FHIT: variants seen among roughly 807,000 people sequenced by gnomAD.
FHIT encodes fragile histidine triad diadenosine triphosphatase.
FHIT carries 19 observed loss-of-function variants against 17.9 expected under a neutral mutation model. The ratio of observed to expected loss-of-function variants is 1.06; its 90% CI spans 0.74 to 1.56. The LOEUF is 1.56. FHIT is among the 40% of genes most tolerant of loss of function. The probability of loss-of-function intolerance (pLI) is 0.00; values close to 1 mark genes in which losing one functional copy is unlikely to be tolerated. For synonymous variants in FHIT, 81 were observed against 69.7 expected (o/e 1.16, Z -0.81); for missense variants, 248 against 189.2 (o/e 1.31, Z -1.82).
chr3:60,716,879 G>A (rs782776460), intron 4 of FHIT, among the ~76,000 whole-genome samples: 9 of 152,036 alleles, frequency 5.9e-5, no homozygotes, highest in Non-Finnish European at 1.0e-4. Flanking sequence ...AATCTTAAGG[G>A]ACCACCCTCA....
chr3:60,381,630 T>A (rs919574503), intron 5 of FHIT, among the ~76,000 whole-genome samples: 2 of 152,214 alleles, frequency 1.3e-5, no homozygotes, highest in African/African-American at 4.8e-5. Context: ...TGACTGCCAA[T>A]CTCTCTTTCG....
At chr3:60,143,935 G>A (rs1442612002) in intron 5 of FHIT, among the ~76,000 whole-genome samples, 1 of 152,148 alleles carries the variant, frequency 6.6e-6, no homozygotes, top group Non-Finnish European at 1.5e-5. Context: ...GGGGTAGGGA[G>A]GCAAGCAGTA....
intron 4 of FHIT, among the ~76,000 whole-genome samples, chr3:60,606,672 G>A (rs9879049): frequency 0.018 from 2,667 of 152,206 alleles, 91 homozygotes; most frequent in African/African-American, 0.062. Flanking sequence ...ATTTTCTGCT[G>A]TAATGGAAAA....
chr3:60,277,835 C>G (rs1033044715), intron 5 of FHIT, among the ~76,000 whole-genome samples: 1 of 152,084 alleles, frequency 6.6e-6, no homozygotes, highest in Admixed American at 6.6e-5. Context: ...TTAATTTTCC[C>G]GGCATGAGAT....
intron 5 of FHIT, among the ~76,000 whole-genome samples, chr3:60,095,796 G>A (rs1257043992): frequency 1.3e-5 from 2 of 152,138 alleles, no homozygotes; most frequent in Non-Finnish European, 2.9e-5. Context: ...TGGCCTATCT[G>A]GTACAACCAC....
intron 5 of FHIT, among the ~76,000 whole-genome samples, chr3:60,089,498 T>G (rs1703640328): frequency 6.6e-6 from 1 of 152,078 alleles, no homozygotes; most frequent in Non-Finnish European, 1.5e-5. Flanking sequence ...AGTGGATAAA[T>G]GGACGGAAAG....
intron 5 of FHIT, among the ~76,000 whole-genome samples, chr3:60,158,986 C>A (rs936014051): frequency 3.3e-5 from 5 of 152,170 alleles, no homozygotes; most frequent in African/African-American, 1.2e-4. Context: ...CTGGAGGTCT[C>A]TAGCTAGAGG....
intron 4 of FHIT, among the ~76,000 whole-genome samples, chr3:60,625,320 G>A (rs1279066408): frequency 6.6e-6 from 1 of 152,162 alleles, no homozygotes; most frequent in Non-Finnish European, 1.5e-5. Context: ...TGGAATTGCT[G>A]AATCATATGG....
chr3:60,734,480 G>T (rs1001145048), intron 4 of FHIT, among the ~76,000 whole-genome samples: 6 of 152,100 alleles, frequency 3.9e-5, no homozygotes, highest in African/African-American at 1.4e-4. Context: ...ACAGCTTACT[G>T]CAACCTTTGC....
At chr3:60,160,250 A>G (rs1700883224) in intron 5 of FHIT, among the ~76,000 whole-genome samples, 1 of 152,048 alleles carries the variant, frequency 6.6e-6, no homozygotes, top group African/African-American at 2.4e-5. Context: ...TTTCCCCTAA[A>G]AATTAGAGAT....
At chr3:60,990,105 C>T (rs1342591550) in intron 3 of FHIT, among the ~76,000 whole-genome samples, 4 of 152,132 alleles carry the variant, frequency 2.6e-5, no homozygotes, top group African/African-American at 9.7e-5. Flanking sequence ...CTTATGTACG[C>T]CCAAGGGTGC....
intron 5 of FHIT, among the ~76,000 whole-genome samples, chr3:60,405,907 C>T (rs956849915): frequency 1.4e-4 from 21 of 152,146 alleles, no homozygotes; most frequent in Admixed American, 1.4e-3. Context: ...TTTCTAAGCT[C>T]CAATTTTCCC....
intron 3 of FHIT, among the ~76,000 whole-genome samples, chr3:60,905,446 T>C (rs1411789579): frequency 6.6e-6 from 1 of 152,190 alleles, no homozygotes. Context: ...TACCTATCTA[T>C]ATATTTACTT....
At chr3:60,786,080 A>C (rs1439782242) in intron 4 of FHIT, among the ~76,000 whole-genome samples, 1 of 152,212 alleles carries the variant, frequency 6.6e-6, no homozygotes, top group Non-Finnish European at 1.5e-5. Context: ...TGAAATCAGA[A>C]TAAAAAAGCA....
At chr3:60,153,883 TG>T (rs1196587664) in intron 5 of FHIT, among the ~76,000 whole-genome samples, 1 of 152,216 alleles carries the variant, frequency 6.6e-6, no homozygotes, top group Non-Finnish European at 1.5e-5. Flanking sequence ...TGCTAGGTGC[TG>T]GGCATACAAT....
At chr3:60,270,384 C>T (rs1706803368) in intron 5 of FHIT, among the ~76,000 whole-genome samples, 1 of 152,170 alleles carries the variant, frequency 6.6e-6, no homozygotes, top group East Asian at 1.9e-4. Context: ...ATTACTTGCA[C>T]AGTGACATGG....
chr3:60,374,537 G>A (rs1700464950), intron 5 of FHIT, among the ~76,000 whole-genome samples: 1 of 150,754 alleles, frequency 6.6e-6, no homozygotes, highest in Non-Finnish European at 1.5e-5. Context: ...TGACTAGTAG[G>A]ATCTTCCACC....
At chr3:60,478,542 G>A (rs453951) in intron 5 of FHIT, among the ~76,000 whole-genome samples, 53,932 of 151,996 alleles carry the variant, frequency 0.35, 10,215 homozygotes, top group South Asian at 0.54. Context: ...GCATCTGGCA[G>A]AAGTATGAGA....
At chr3:61,041,156 A>G (rs1052857166) in intron 3 of FHIT, among the ~76,000 whole-genome samples, 11 of 152,186 alleles carry the variant, frequency 7.2e-5, no homozygotes, top group East Asian at 1.9e-4. Context: ...TGAGGCAGGC[A>G]GATCACGAGG....
Sources: allele counts gnomAD v4.1 joint callset (sites outside exome capture counted in the v4.1 genomes callset), GRCh38; gene constraint gnomAD v4.1.1; transcripts MANE v1.5; gene names NCBI Gene and HGNC (gene_info 2026-07-23, HGNC 2026-07-21).